MAPK10: variants seen among roughly 807,000 people sequenced by gnomAD.
MAPK10 encodes JNK3 alpha protein kinase.
A neutral mutation model predicts 59.3 loss-of-function variants in MAPK10; 25 were observed. The ratio of observed to expected loss-of-function variants is 0.42; its 90% CI spans 0.31 to 0.59. The LOEUF is 0.59. Ranked by LOEUF, MAPK10 falls within the 20% of genes least tolerant of loss-of-function variation. The probability of loss-of-function intolerance (pLI) is 0.15; values close to 1 mark genes in which losing one functional copy is unlikely to be tolerated. For synonymous variants in MAPK10, 190 were observed against 200.5 expected (o/e 0.95, Z 0.44); for missense variants, 351 against 568.9 (o/e 0.62, Z 3.90).
chr4:86,160,056 C>A (rs1210162576), intron 3 of MAPK10, among the ~76,000 whole-genome samples: 9 of 151,900 alleles, frequency 5.9e-5, no homozygotes, highest in Non-Finnish European at 1.0e-4. Context: ...TAGCAAAATT[C>A]TTCTTTGAAT....
At chr4:86,165,700 C>A (rs1378394298) in intron 3 of MAPK10, among the ~76,000 whole-genome samples, 1 of 151,516 alleles carries the variant, frequency 6.6e-6, no homozygotes, top group African/African-American at 2.4e-5. Context: ...AGCACCTGGC[C>A]TTATATATGA....
At chr4:86,062,642 G>A (rs2045958169) in intron 11 of MAPK10, among the ~76,000 whole-genome samples, 1 of 151,910 alleles carries the variant, frequency 6.6e-6, no homozygotes, top group Admixed American at 6.6e-5. Context: ...AAGTTAATAT[G>A]CCTCAAAATA....
At chr4:86,511,382 C>A (rs1316352015) in intron 1 of MAPK10, among the ~76,000 whole-genome samples, 1 of 150,802 alleles carries the variant, frequency 6.6e-6, no homozygotes, top group Non-Finnish European at 1.5e-5. Flanking sequence ...TGTAGGGAGA[C>A]CTTGTCTCTA....
intron 2 of MAPK10, among the ~76,000 whole-genome samples, chr4:86,236,868 T>A (rs2148675791): frequency 6.6e-6 from 1 of 152,268 alleles, no homozygotes; most frequent in East Asian, 1.9e-4. Context: ...AGGTTCTTTA[T>A]TTTTTCTAAA....
chr4:86,497,655 A>AT (rs1371341613), intron 1 of MAPK10, among the ~76,000 whole-genome samples: 1 of 152,192 alleles, frequency 6.6e-6, no homozygotes, highest in Non-Finnish European at 1.5e-5. Context: ...TGTGCTGATG[A>AT]TTTTTTAACA....
At chr4:86,305,489 G>A (rs937424495) in intron 2 of MAPK10, among the ~76,000 whole-genome samples, 2 of 152,022 alleles carry the variant, frequency 1.3e-5, no homozygotes, top group African/African-American at 4.8e-5. Flanking sequence ...TAGTGGTACG[G>A]CAGAAGAGAT....
chr4:86,194,036 G>A (rs1224821841), intron 3 of MAPK10: 10 of 322,676 alleles, frequency 3.1e-5, no homozygotes, highest in African/African-American at 6.4e-5. Flanking sequence ...TGGGTGAGGC[G>A]ACACCCCACC....
chr4:86,197,805 G>A (rs1207110473), intron 2 of MAPK10, among the ~76,000 whole-genome samples: 1 of 152,118 alleles, frequency 6.6e-6, no homozygotes, highest in Admixed American at 6.6e-5. Context: ...AAGAACAAGT[G>A]GCTGTTTGCC....
chr4:86,311,072 A>ACG (rs2095660102), intron 2 of MAPK10, among the ~76,000 whole-genome samples: 11 of 151,714 alleles, frequency 7.3e-5, no homozygotes, highest in African/African-American at 2.7e-4. Context: ...ACACACATAC[A>ACG]TGCACCCCAA....
intron 2 of MAPK10, among the ~76,000 whole-genome samples, chr4:86,344,725 A>G (rs991446213): frequency 3.3e-5 from 5 of 152,166 alleles, no homozygotes; most frequent in Non-Finnish European, 7.3e-5. Flanking sequence ...TAATCTGCCC[A>G]TTGAAAATGT....
At chr4:86,576,537 G>A (rs1046439159) in intron 1 of MAPK10, among the ~76,000 whole-genome samples, 2 of 151,254 alleles carry the variant, frequency 1.3e-5, no homozygotes, top group Admixed American at 6.6e-5. Context: ...CACTTTGGGA[G>A]GCCGAGACGG....
At chr4:86,471,050 C>T (rs1752613318) in intron 1 of MAPK10, among the ~76,000 whole-genome samples, 2 of 152,068 alleles carry the variant, frequency 1.3e-5, no homozygotes, top group South Asian at 4.1e-4. Context: ...GTGGGTGGAT[C>T]ACAAGGTCAG....
intron 1 of MAPK10, among the ~76,000 whole-genome samples, chr4:86,588,625 G>A (rs1762801125): frequency 6.6e-6 from 1 of 152,026 alleles, no homozygotes; most frequent in Non-Finnish European, 1.5e-5. Flanking sequence ...CACATATCTG[G>A]TCATGTATAT....
chr4:86,436,294 T>G (rs1177486020), intron 1 of MAPK10, among the ~76,000 whole-genome samples: 1 of 152,218 alleles, frequency 6.6e-6, no homozygotes, highest in Non-Finnish European at 1.5e-5. Context: ...ACAATCATTT[T>G]TAGTCATTTT....
At chr4:86,211,875 A>G (rs114382063) in intron 2 of MAPK10, among the ~76,000 whole-genome samples, 2,432 of 152,256 alleles carry the variant, frequency 0.016, 78 homozygotes, top group African/African-American at 0.055. Flanking sequence ...GTATAAATTC[A>G]AATTGGTGTG....
chr4:86,564,185 A>G (rs1578128718), intron 1 of MAPK10, among the ~76,000 whole-genome samples: 1 of 152,180 alleles, frequency 6.6e-6, no homozygotes, highest in Non-Finnish European at 1.5e-5. Context: ...TTTTAGGACC[A>G]TAGTTGACCA....
At chr4:86,074,907 G>A (rs995301361) in intron 9 of MAPK10, among the ~76,000 whole-genome samples, 5 of 132,986 alleles carry the variant, frequency 3.8e-5, no homozygotes, top group South Asian at 2.4e-4. Flanking sequence ...TCTTTGTGGC[G>A]TTCTCTGTAT....
chr4:86,045,349 G>A (rs773857731), intron 11 of MAPK10, among the ~76,000 whole-genome samples: 2 of 151,836 alleles, frequency 1.3e-5, no homozygotes, highest in Non-Finnish European at 2.9e-5. Flanking sequence ...TTCTTCATTC[G>A]TTCATTTAAC....
At chr4:86,524,111 T>C (rs1757304066) in intron 1 of MAPK10, among the ~76,000 whole-genome samples, 1 of 152,192 alleles carries the variant, frequency 6.6e-6, no homozygotes, top group African/African-American at 2.4e-5. Context: ...TCGTTGCACG[T>C]ACAAGCTCCC....
Sources: allele counts gnomAD v4.1 joint callset (sites outside exome capture counted in the v4.1 genomes callset), GRCh38; gene constraint gnomAD v4.1.1; transcripts MANE v1.5; gene names NCBI Gene and HGNC (gene_info 2026-07-23, HGNC 2026-07-21).